The following JARID2 variants were observed in gnomAD, a reference collection of about 807,000 sequenced individuals.
JARID2 encodes protein Jumonji.
In JARID2, 21 loss-of-function variants were observed where a neutral mutation model predicts 125.6. The ratio of observed to expected loss-of-function variants is 0.17; its 90% CI spans 0.12 to 0.24. The LOEUF is 0.24. Ranked by LOEUF, JARID2 falls within the 10% of genes least tolerant of loss-of-function variation. The pLI is 1.00. For synonymous variants in JARID2, 736 were observed against 661.6 expected, an observed-to-expected ratio of 1.11 and a Z score of -1.73; for missense variants, 1,303 against 1,639.6, an observed-to-expected ratio of 0.79 and a Z score of 3.55.
chr6:15,487,561 G>C lies in JARID2; in HGVS notation c.906+19G>C. ...GAAACAGGTAAAGTCCAGCAGGGGT[G>C]CCTACATGTGTGCCAGACCCCAGTT... On this transcript the variant is annotated intron_variant, in intron 6 of 17. Coordinates refer to ENST00000341776, the MANE Select transcript of JARID2 (RefSeq NM_004973.4). 1 of 1,559,766 alleles carries C rather than the reference G, an allele frequency of 6.4e-7. No homozygotes were observed. Among genetic ancestry groups the C allele is most frequent in the Non-Finnish European group, 8.7e-7 (1 of 1,146,586 alleles).
intron 1 of JARID2, among the ~76,000 whole-genome samples, chr6:15,311,544 C>T (rs1414244069): frequency 6.6e-6 from 1 of 152,188 alleles, no homozygotes; most frequent in Non-Finnish European, 1.5e-5. Flanking sequence ...CGCCATTGTA[C>T]TCCAGCCTGG....
At chr6:15,472,448 C>T (rs1304538966) in intron 5 of JARID2, among the ~76,000 whole-genome samples, 1 of 152,146 alleles carries the variant, frequency 6.6e-6, no homozygotes, top group Admixed American at 6.5e-5. Flanking sequence ...TTTCTCACAT[C>T]CCTGAGCAGC....
intron 1 of JARID2, among the ~76,000 whole-genome samples, chr6:15,280,932 C>A (rs1397782790): frequency 6.6e-6 from 1 of 152,008 alleles, no homozygotes; most frequent in Non-Finnish European, 1.5e-5. Flanking sequence ...CCTGGCCAGC[C>A]CCTTAACATG....
intron 4 of JARID2, 158 bp downstream of exon 4, chr6:15,452,333 G>C: frequency 1.5e-6 from 1 of 686,734 alleles, no homozygotes; most frequent in Non-Finnish European, 1.8e-6. Flanking sequence ...CACCGAGAGA[G>C]TGTGTGCTGG....
chr6:15,287,682 C>T (rs1401975635), intron 1 of JARID2, among the ~76,000 whole-genome samples: 1 of 152,152 alleles, frequency 6.6e-6, no homozygotes, highest in Non-Finnish European at 1.5e-5. Flanking sequence ...GCAGTTGCTG[C>T]CTTTGTCTGG....
intron 2 of JARID2, among the ~76,000 whole-genome samples, chr6:15,382,016 G>T (rs1178995318): frequency 6.6e-6 from 1 of 152,244 alleles, no homozygotes; most frequent in Non-Finnish European, 1.5e-5. Flanking sequence ...GGGTACTGTG[G>T]CTCACGCCTG....
chr6:15,426,730 C>G (rs1166475431), intron 3 of JARID2, among the ~76,000 whole-genome samples: 1 of 152,174 alleles, frequency 6.6e-6, no homozygotes, highest in Non-Finnish European at 1.5e-5. Flanking sequence ...TGCTTGCTTG[C>G]TGTTTTTCCA....
intron 2 of JARID2, among the ~76,000 whole-genome samples, chr6:15,388,281 T>C (rs964149431): frequency 6.6e-6 from 1 of 152,156 alleles, no homozygotes; most frequent in African/African-American, 2.4e-5. Context: ...TGAGCCACTT[T>C]AAATGTTTAG....
chr6:15,486,158 A>G (rs1279799994), intron 5 of JARID2, among the ~76,000 whole-genome samples: 1 of 152,228 alleles, frequency 6.6e-6, no homozygotes, highest in Non-Finnish European at 1.5e-5. Context: ...CAACCCAGGA[A>G]CAGGGTGTGC....
At chr6:15,500,882 GT>G (rs1561908772) in intron 7 of JARID2, 24 bp from the exon 8 acceptor site, 9 of 1,566,246 alleles carry the variant, frequency 5.7e-6, no homozygotes, top group African/African-American at 4.1e-5. Context: ...TAACTGTCCC[GT>G]TTTTTTCCCC....
At chr6:15,314,963 GAGA>G (rs1230454115) in intron 1 of JARID2, 2 of 152,170 alleles carry the variant, frequency 1.3e-5, no homozygotes, top group Non-Finnish European at 2.9e-5. Flanking sequence ...GAATGATACA[GAGA>G]AGATTAGCAT....
At chr6:15,421,272 T>G (rs1248475263) in intron 3 of JARID2, among the ~76,000 whole-genome samples, 1 of 152,088 alleles carries the variant, frequency 6.6e-6, no homozygotes, top group African/African-American at 2.4e-5. Context: ...AGGCAAGAGG[T>G]ATAAATCCTG....
intron 3 of JARID2, among the ~76,000 whole-genome samples, chr6:15,429,054 T>TG (rs1440588952): frequency 6.6e-6 from 1 of 152,056 alleles, no homozygotes; most frequent in East Asian, 1.9e-4. Context: ...CATATGTGAT[T>TG]GTCTTGCCTG....
In JARID2 at chr6:15,496,776, G is replaced by C. The variant is rs748491910; in HGVS notation, c.1551G>C (p.Ala517=). 4.3e-6 allele frequency: 7 copies of C among 1,612,750 alleles called. No individual in the cohort carries two copies. In the African/African-American group the frequency reaches 8.0e-5, roughly 18 times the overall value. The part of the protein sequence containing the change: ...STPGRQAHGK[A]DSASCENRST... ...CAGGCAGACAAGCACATGGCAAGGC[G>C]GACAGCGCCTCCTGTGAAAATCGTT... The change falls in exon 7 of 18, where the codon GCG becomes GCC. Residue 517 remains alanine, a synonymous_variant. Transcript: ENST00000341776.
intron 1 of JARID2, among the ~76,000 whole-genome samples, chr6:15,372,077 C>T (rs1322284423): frequency 6.6e-6 from 1 of 152,156 alleles, no homozygotes; most frequent in Non-Finnish European, 1.5e-5. Flanking sequence ...TTATTTAGGG[C>T]TTAGAGTCTC....
chr6:15,320,852 C>CTGTGTGTGTGTG (rs71944757), intron 1 of JARID2, among the ~76,000 whole-genome samples: 2,144 of 145,378 alleles, frequency 0.015, 26 homozygotes, highest in Middle Eastern at 0.036. Flanking sequence ...CTCTCTCTCT[C>CTGTGTGTGTGTG]TGTGTGTGTG....
chr6:15,419,412 C>T (rs999818105), intron 3 of JARID2, among the ~76,000 whole-genome samples: 11 of 152,108 alleles, frequency 7.2e-5, no homozygotes, highest in Admixed American at 2.6e-4. Context: ...GGGTAAATCT[C>T]GCCTATCTTC....
chr6:15,478,507 G>A (rs1769459205), intron 5 of JARID2, among the ~76,000 whole-genome samples: 1 of 151,226 alleles, frequency 6.6e-6, no homozygotes, highest in East Asian at 2.0e-4. Flanking sequence ...TCAATGGGAT[G>A]CGTTCTGGTC....
At chr6:15,385,899 C>T (rs1467908961) in intron 2 of JARID2, among the ~76,000 whole-genome samples, 1 of 152,148 alleles carries the variant, frequency 6.6e-6, no homozygotes, top group Admixed American at 6.5e-5. Flanking sequence ...AGGGAATGTG[C>T]ATTCATAATT....
Sources: allele counts gnomAD v4.1 joint callset (sites outside exome capture counted in the v4.1 genomes callset), GRCh38; gene constraint gnomAD v4.1.1; transcripts MANE v1.5; gene names NCBI Gene and HGNC (gene_info 2026-07-23, HGNC 2026-07-21).